ENPEP: variants seen among roughly 807,000 people sequenced by gnomAD.
ENPEP encodes AP-A.
Under a neutral mutation model 114.5 loss-of-function variants are expected in ENPEP, and 103 were observed. That is an observed-to-expected ratio of 0.90 (90% confidence interval 0.77 to 1.06). The LOEUF (loss-of-function observed/expected upper bound fraction) is 1.06, where lower values mean the gene tolerates loss of function less well. ENPEP is among the 50% of genes least tolerant of loss of function. ENPEP has a pLI of 0.00. For synonymous variants in ENPEP, 420 were observed against 422.0 expected (o/e 1.00, Z 0.06); for missense variants, 1,196 against 1,161.3 (o/e 1.03, Z -0.43).
chr4:110,493,390 A>G (rs1226212671), intron 3 of ENPEP, among the ~76,000 whole-genome samples: 1 of 152,358 alleles, frequency 6.6e-6, no homozygotes, highest in Non-Finnish European at 1.5e-5. Flanking sequence ...GGAAACAAAC[A>G]TAATATTGTT....
intron 6 of ENPEP, among the ~76,000 whole-genome samples, chr4:110,512,068 C>T (rs928519599): frequency 6.6e-6 from 1 of 152,010 alleles, no homozygotes; most frequent in African/African-American, 2.4e-5. Flanking sequence ...CCAGCCCATT[C>T]ATTCATTCTT....
intron 11 of ENPEP, among the ~76,000 whole-genome samples, chr4:110,532,736 G>A (rs1279978945): frequency 2.0e-5 from 3 of 151,990 alleles, no homozygotes; most frequent in Non-Finnish European, 4.4e-5. Flanking sequence ...CACAGGGATT[G>A]CTATTACAAC....
chr4:110,488,447 G>A, intron 1 of ENPEP, 94 bp from the exon 2 acceptor site: 2 of 1,390,950 alleles, frequency 1.4e-6, no homozygotes, highest in Non-Finnish European at 1.9e-6. Context: ...AGTTATAATT[G>A]CATAGCTGAT....
chr4:110,498,054 T>C (rs558220406), intron 3 of ENPEP, among the ~76,000 whole-genome samples: 1 of 152,368 alleles, frequency 6.6e-6, no homozygotes, highest in South Asian at 2.1e-4. Flanking sequence ...ACCTCAGTAT[T>C]GATAATGAAA....
intron 9 of ENPEP, 69 bp from the exon 10 acceptor site, chr4:110,520,146 T>C: frequency 6.3e-7 from 1 of 1,594,104 alleles, no homozygotes; most frequent in Non-Finnish European, 8.6e-7. Flanking sequence ...TTTTCTAATC[T>C]AACTATTCTA....
chr4:110,544,346 C>A (rs1416947903), intron 13 of ENPEP, among the ~76,000 whole-genome samples: 1 of 152,062 alleles, frequency 6.6e-6, no homozygotes, highest in African/African-American at 2.4e-5. Context: ...GACCAAAATG[C>A]ATCCACCGTT....
intron 10 of ENPEP, 118 bp downstream of exon 10, chr4:110,520,484 G>A (rs1252191121): frequency 1.8e-5 from 19 of 1,063,732 alleles, no homozygotes; most frequent in Non-Finnish European, 2.6e-5. Context: ...TAAAGCCACA[G>A]TGCCTTTAGG....
chr4:110,548,055 A>C (rs921779839), intron 13 of ENPEP, 121 bp from the exon 14 acceptor site: 18 of 1,117,790 alleles, frequency 1.6e-5, no homozygotes, highest in Admixed American at 7.6e-5. Flanking sequence ...TGAATGGAAG[A>C]ATCCTCATTA....
chr4:110,561,302 T>G, intron 19 of ENPEP, 104 bp from the exon 20 acceptor site: 1 of 1,235,872 alleles, frequency 8.1e-7, no homozygotes, highest in Non-Finnish European at 1.2e-6. Context: ...GCAGTGATAC[T>G]GAATTTCTAG....
At chr4:110,556,214 T>G (rs997307816) in intron 18 of ENPEP, among the ~76,000 whole-genome samples, 1 of 152,032 alleles carries the variant, frequency 6.6e-6, no homozygotes, top group Non-Finnish European at 1.5e-5. Flanking sequence ...TGGTATGTGT[T>G]TTTTGCACAA....
At chr4:110,538,319 A>G (rs1475987581) in intron 11 of ENPEP, among the ~76,000 whole-genome samples, 1 of 152,204 alleles carries the variant, frequency 6.6e-6, no homozygotes, top group African/African-American at 2.4e-5. Context: ...TTTAACTTCT[A>G]TATCAACACT....
At chr4:110,561,380 C>G (rs942898290) in intron 19 of ENPEP, 26 bp from the exon 20 acceptor site, 1 of 1,609,222 alleles carries the variant, frequency 6.2e-7, no homozygotes, top group South Asian at 1.1e-5. Flanking sequence ...AAATGACAAT[C>G]CTAATTACTC....
chr4:110,529,786 A>T (rs1168265382), intron 10 of ENPEP, among the ~76,000 whole-genome samples: 1 of 152,168 alleles, frequency 6.6e-6, no homozygotes, highest in East Asian at 1.9e-4. Context: ...CAAAAATGAC[A>T]AAGGGGGCCG....
At chr4:110,510,053 G>T (rs987264071) in intron 5 of ENPEP, among the ~76,000 whole-genome samples, 192 bp from the exon 6 acceptor site, 1 of 152,054 alleles carries the variant, frequency 6.6e-6, no homozygotes, top group Non-Finnish European at 1.5e-5. Flanking sequence ...CTAAATAAAG[G>T]CAATAAACTA....
chr4:110,514,251 C>A (rs1332737121), intron 7 of ENPEP, among the ~76,000 whole-genome samples: 1 of 152,012 alleles, frequency 6.6e-6, no homozygotes. Context: ...GAAGCTACTG[C>A]ATGCTAATAC....
At chr4:110,525,327 C>T (rs1726153794) in intron 10 of ENPEP, among the ~76,000 whole-genome samples, 1 of 152,202 alleles carries the variant, frequency 6.6e-6, no homozygotes, top group Non-Finnish European at 1.5e-5. Context: ...ATCTTCCTAG[C>T]CCGGGTTACC....
In ENPEP at chr4:110,562,571, G is replaced by T. The variant is rs1334397530; in HGVS notation, c.*1013G>T. The T allele has an allele frequency of 6.6e-6, 1 of 152,102 alleles. No individual in the cohort carries two copies. Among genetic ancestry groups the T allele is most frequent in the African/African-American group, 2.4e-5 (1 of 41,428 alleles). The allele number at this position is 152,102 out of a possible 1,614,324, so 9.4% of individuals were successfully genotyped here. Reference sequence around the variant, plus strand: ...CTGTGGGCATCCCCAGCATGACTCTGCATATCTGAGCATATATCTCCTTAT... The same window carrying T: ...CTGTGGGCATCCCCAGCATGACTCTTCATATCTGAGCATATATCTCCTTAT... On this transcript the variant is annotated 3_prime_UTR_variant, in exon 20 of 20. Coordinates refer to ENST00000265162, the MANE Select transcript of ENPEP (RefSeq NM_001977.4).
chr4:110,476,773 G>A lies in ENPEP; in HGVS notation c.359G>A (p.Ser120Asn), dbSNP rs1262483526. Residue 120 changes from serine to asparagine, a missense_variant, in exon 1 of 20, where the codon AGC (serine) becomes AAC (asparagine). Coordinates refer to ENST00000265162, the MANE Select transcript of ENPEP (RefSeq NM_001977.4). ...GAGGACACCTACACGGGCACCGTGA[G>A]CATCTCCATCAACCTGAGCGCTCCC... ...LEEDTYTGTV[S>N]ISINLSAPTR... 21 of 1,614,088 alleles carry A rather than the reference G, an allele frequency of 1.3e-5. No individual in the cohort carries two copies. Among genetic ancestry groups the A allele is most frequent in the Non-Finnish European group, 1.6e-5 (19 of 1,180,048 alleles).
chr4:110,513,387 A>G, intron 6 of ENPEP, 28 bp from the exon 7 acceptor site: 2 of 1,604,774 alleles, frequency 1.2e-6, no homozygotes, highest in Non-Finnish European at 8.5e-7. Flanking sequence ...GAAATACTAT[A>G]TTCCTTTGGC....
Sources: gnomAD v4.1 joint callset for allele counts (sites outside exome capture counted in the v4.1 genomes callset) on GRCh38, gnomAD v4.1.1 for gene constraint, MANE v1.5 for transcripts, NCBI Gene and HGNC (gene_info 2026-07-23, HGNC 2026-07-21) for gene names.